GAPDH: variants seen among roughly 807,000 people sequenced by gnomAD.
The protein encoded by GAPDH is glyceraldehyde-3-phosphate dehydrogenase, also known as OCAS, p38 component.
GAPDH carries 13 observed loss-of-function variants against 31.2 expected under a neutral mutation model. The ratio of observed to expected loss-of-function variants is 0.42; its 90% CI spans 0.27 to 0.66. GAPDH has a LOEUF of 0.66. Among genes scored for constraint, GAPDH ranks in the 30% least tolerant of loss-of-function variants. The pLI, the probability that GAPDH is intolerant of heterozygous loss-of-function variation, is 0.26. For missense variants in GAPDH, 300 were observed against 443.7 expected, an observed-to-expected ratio of 0.68 and a Z score of 2.91; for synonymous variants, 211 against 166.9, an observed-to-expected ratio of 1.26 and a Z score of -2.04.
rs373471997 is a variant in GAPDH, at chr12:6,538,011, C to T, written c.938+15C>T. The T allele has an allele frequency of 2.4e-5, 39 of 1,595,160 alleles. No individual in the cohort carries two copies. The highest frequency in any genetic ancestry group is 3.3e-4 in the Middle Eastern group (2 of 6,050). ...CTCATTTCCTGGTATGTGGCTGGGG[C>T]CAGAGACTGGCTCTTAAAAAGTGCA... On this transcript the variant is annotated intron_variant, in intron 8 of 8. Transcript: ENST00000229239.
rs11549369 is a variant in GAPDH, at chr12:6,536,570, C to T, written c.106C>T (p.Pro36Ser). The change falls in exon 3 of 9, where the codon CCC becomes TCC. Residue 36 changes from proline (P) to serine (S), a missense_variant. Coordinates refer to ENST00000229239, the MANE Select transcript of GAPDH (RefSeq NM_002046.7). ...GKVDIVAIND[P>S]FIDLNYMVYM... ...AGTGGATATTGTTGCCATCAATGACCCCTTCATTGACCTCAACTACATGGT... is the reference window on the plus strand; with the variant it reads ...AGTGGATATTGTTGCCATCAATGACTCCTTCATTGACCTCAACTACATGGT... 3 of 1,612,916 alleles carry T rather than the reference C, an allele frequency of 1.9e-6. No individual in the cohort carries two copies. Among genetic ancestry groups the T allele is most frequent in the African/African-American group, 1.3e-5 (1 of 74,868 alleles).
At position 6,534,779 on chromosome 12, in the gene GAPDH, T is replaced by TA. The variant is rs1364148995; in HGVS notation, c.-23-30dup. Reference sequence around the variant, plus strand: ...AGGCGTGTGTGTCGGCCGGGGCCACTAGGCGCTCACTGTTCTCTCCCTCCG... The same window carrying TA: ...AGGCGTGTGTGTCGGCCGGGGCCACTAAGGCGCTCACTGTTCTCTCCCTCCG... On this transcript the variant is annotated intron_variant, in intron 1 of 8. Transcript: ENST00000229239. 3 of 1,599,554 alleles carry TA rather than the reference T, an allele frequency of 1.9e-6. No individual in the cohort carries two copies. The East Asian group carries it at 6.7e-5, about 36-fold the overall frequency.
At chr12:6,534,738 T>TGGGG in intron 1 of GAPDH, 72 bp from the exon 2 acceptor site, 1 of 1,304,250 alleles carries the variant, frequency 7.7e-7, no homozygotes, top group Non-Finnish European at 1.1e-6. Context: ...GGAGGCCTGG[T>TGGGG]GGGGGAGGGG....
chr12:6,537,011 G>GT lies in GAPDH; in HGVS notation c.327+2dup. On this transcript the variant is annotated splice_donor_variant, in intron 5 of 8. Coordinates refer to ENST00000229239, the MANE Select transcript of GAPDH (RefSeq NM_002046.7). LOFTEE classifies it high-confidence loss of function. The surrounding 1 kb of genome is among the most constrained non-coding windows in gnomAD (Gnocchi z 4.9). ...CTTCACCACCATGGAGAAGGCTGGGGTGAGTGCAGGAGGGCCCGCGGGAGG... is the reference window on the plus strand; with the variant it reads ...CTTCACCACCATGGAGAAGGCTGGGGTTGAGTGCAGGAGGGCCCGCGGGAGG... 6.2e-7 allele frequency: 1 copy of GT among 1,612,038 alleles called. No homozygotes were observed. The highest frequency in any genetic ancestry group is 8.5e-7 in the Non-Finnish European group (1 of 1,179,616).
At chr12:6,535,569 T>TG in intron 2 of GAPDH, 1 of 498,494 alleles carries the variant, frequency 2.0e-6, no homozygotes, top group Non-Finnish European at 2.6e-6. Context: ...AGCTGAGTCA[T>TG]GGGTAGTTGG....
Position 6,537,895 on chromosome 12 carries a change from C to T in GAPDH, c.837C>T (p.His279=). ...PLKGILGYTE[H]QVVSSDFNSD... ...AGGGCATCCTGGGCTACACTGAGCA[C>T]CAGGTGGTCTCCTCTGACTTCAACA... The change falls in exon 8 of 9, where the codon CAC becomes CAT. Residue 279 remains histidine, a synonymous_variant. Transcript: ENST00000229239. The surrounding 1 kb of genome is among the most constrained non-coding windows in gnomAD (Gnocchi z 4.9). 1 of 1,613,926 alleles carries T rather than the reference C, an allele frequency of 6.2e-7. No individual in the cohort carries two copies. Among genetic ancestry groups the T allele is most frequent in the Non-Finnish European group, 8.5e-7 (1 of 1,180,030 alleles).
intron 1 of GAPDH, 41 bp from the exon 2 acceptor site, chr12:6,534,769 C>T (rs997861943): frequency 4.5e-6 from 7 of 1,569,418 alleles, no homozygotes; most frequent in East Asian, 4.5e-5. Flanking sequence ...TGTGTGTCGG[C>T]CGGGGCCACT....
In GAPDH at chr12:6,536,543, A is replaced by G; in HGVS notation, c.79A>G (p.Lys27Glu). The change falls in exon 3 of 9, where the codon AAA (lysine) becomes GAA (glutamate). Residue 27 changes from lysine (K) to glutamate (E), a missense_variant. Transcript: ENST00000229239. ...CACCAGGGCTGCTTTTAACTCTGGT[A>G]AAGTGGATATTGTTGCCATCAATGA... ...LVTRAAFNSG[K>E]VDIVAINDPF... The G allele has an allele frequency of 1.9e-6, 3 of 1,613,860 alleles. No homozygotes were observed. Among genetic ancestry groups the G allele is most frequent in the African/African-American group, 1.3e-5 (1 of 75,036 alleles).
At chr12:6,535,132 C>T in intron 2 of GAPDH, 1 of 938,366 alleles carries the variant, frequency 1.1e-6, no homozygotes, top group Non-Finnish European at 1.4e-6. Flanking sequence ...GAGATCCCGA[C>T]CCGGACCCCT....
intron 2 of GAPDH, among the ~76,000 whole-genome samples, chr12:6,535,660 T>C (rs1334875075): frequency 6.6e-6 from 1 of 152,070 alleles, no homozygotes; most frequent in African/African-American, 2.4e-5. Flanking sequence ...GGCCCCGCCC[T>C]TCCCCTGCCA....
intron 2 of GAPDH, 48 bp downstream of exon 2, chr12:6,534,909 A>G (rs758541919): frequency 1.3e-5 from 20 of 1,599,934 alleles, no homozygotes; most frequent in Non-Finnish European, 1.7e-5. Context: ...CCGCCCCCGA[A>G]CCGCGTCTAC....
rs1003449954 is a variant in GAPDH at position 6,534,531 on chromosome 12, C to T, written c.-62C>T. On this transcript the variant is annotated 5_prime_UTR_variant, in exon 1 of 9. Transcript: ENST00000229239. ...CCTCCCGCTTCGCTCTCTGCTCCTC[C>T]TGTTCGACAGTCAGCCGCATCTTCT... is the stretch of plus-strand genomic sequence containing the variant. 11 of 477,930 alleles carry T rather than the reference C, an allele frequency of 2.3e-5. No individual in the cohort carries two copies. Among genetic ancestry groups the T allele is most frequent in the African/African-American group, 6.3e-5 (3 of 47,318 alleles). The allele number at this position is 477,930 out of a possible 1,614,324, so 29.6% of individuals were successfully genotyped here.
rs951286737 is a variant in GAPDH at position 6,534,577 on chromosome 12, C to T, written c.-24+8C>T. ...CTTCTTTTGCGTCGCCAGGTGAAGACGGGCGGAGAGAAACCCGGGAGGCTA... is the reference window on the plus strand; with the variant it reads ...CTTCTTTTGCGTCGCCAGGTGAAGATGGGCGGAGAGAAACCCGGGAGGCTA... On this transcript the variant is annotated splice_region_variant and intron_variant, in intron 1 of 8. Coordinates refer to ENST00000229239, the MANE Select transcript of GAPDH (RefSeq NM_002046.7). 3.7e-6 allele frequency: 2 copies of T among 545,062 alleles called. No individual in the cohort carries two copies. Among genetic ancestry groups the T allele is most frequent in the Non-Finnish European group, 3.2e-6 (1 of 309,464 alleles). The allele number at this position is 545,062 out of a possible 1,614,324, so 33.8% of individuals were successfully genotyped here.
chr12:6,537,472 C>A lies in GAPDH; in HGVS notation c.525+82C>A. 1 of 1,584,808 alleles carries A rather than the reference C, an allele frequency of 6.3e-7. No homozygotes were observed. On this transcript the variant is annotated intron_variant, in intron 7 of 8. Coordinates refer to ENST00000229239, the MANE Select transcript of GAPDH (RefSeq NM_002046.7). The surrounding 1 kb of genome is among the most constrained non-coding windows in gnomAD (Gnocchi z 4.9). ...CCTCCCTGCCGGGGCTGCGTGCAAC[C>A]CTGGGGTTGGGGGTTCTGGGGACTG...
In GAPDH at chr12:6,537,761, G is replaced by A. The variant is rs1592188925; in HGVS notation, c.703G>A (p.Val235Ile). ...NGKLTGMAFR[V>I]PTANVSVVDL... ...GAAGCTCACTGGCATGGCCTTCCGT[G>A]TCCCCACTGCCAACGTGTCAGTGGT... The change falls in exon 8 of 9, where the codon GTC becomes ATC. Residue 235 changes from valine (V) to isoleucine (I), a missense_variant. Physicochemically the swap from Val to Ile is conservative, Grantham distance 29 (BLOSUM62 3). Coordinates refer to ENST00000229239, the MANE Select transcript of GAPDH (RefSeq NM_002046.7). This position sits in a 1 kb window ranked among gnomAD's most constrained non-coding sequence, Gnocchi z 4.9. 6.2e-7 allele frequency: 1 copy of A among 1,611,748 alleles called. No individual in the cohort carries two copies. The highest frequency in any genetic ancestry group is 8.5e-7 in the Non-Finnish European group (1 of 1,179,850).
In GAPDH at chr12:6,538,165, G is replaced by A. The variant is rs774911921; in HGVS notation, c.1003G>A (p.Glu335Lys). 8.1e-6 allele frequency: 13 copies of A among 1,608,618 alleles called. No individual in the cohort carries two copies. The Admixed American group carries it at 2.0e-4, about 25-fold the overall frequency. Residue 335 changes from glutamate (E) to lysine (K), a missense_variant, in exon 9 of 9, where the codon GAG becomes AAG. Transcript: ENST00000229239. ...CCTCATGGCCCACATGGCCTCCAAGGAGTAAGACCCCTGGACCACCAGCCC... is the reference window on the plus strand; with the variant it reads ...CCTCATGGCCCACATGGCCTCCAAGAAGTAAGACCCCTGGACCACCAGCCC... ...VDLMAHMASK[E>K]
chr12:6,537,479 T>C lies in GAPDH; in HGVS notation c.525+89T>C, dbSNP rs1592188016. On this transcript the variant is annotated intron_variant, in intron 7 of 8. Coordinates refer to ENST00000229239, the MANE Select transcript of GAPDH (RefSeq NM_002046.7). The surrounding 1 kb of genome is among the most constrained non-coding windows in gnomAD (Gnocchi z 4.9). ...GCCGGGGCTGCGTGCAACCCTGGGG[T>C]TGGGGGTTCTGGGGACTGGCTTTCC... 1 of 1,578,470 alleles carries C rather than the reference T, an allele frequency of 6.3e-7. No individual in the cohort carries two copies. Among genetic ancestry groups the C allele is most frequent in the Non-Finnish European group, 8.7e-7 (1 of 1,153,190 alleles).
In GAPDH at chr12:6,536,489, C is replaced by T. The variant is rs558321869; in HGVS notation, c.30-5C>T. 9.8e-5 allele frequency: 157 copies of T among 1,609,080 alleles called. 1 individual carries two copies. The South Asian group carries it at 1.6e-3, about 16-fold the overall frequency. On this transcript the variant is annotated splice_polypyrimidine_tract_variant and splice_region_variant and intron_variant, in intron 2 of 8. Transcript: ENST00000229239. ...CCTCATGCCTTCTTGCCTCTTGTCTCTTAGATTTGGTCGTATTGGGCGCCT... is the reference window on the plus strand; with the variant it reads ...CCTCATGCCTTCTTGCCTCTTGTCTTTTAGATTTGGTCGTATTGGGCGCCT...
intron 1 of GAPDH, 90 bp from the exon 2 acceptor site, chr12:6,534,720 C>CG: frequency 8.8e-7 from 1 of 1,137,178 alleles, no homozygotes; most frequent in Non-Finnish European, 1.3e-6. Flanking sequence ...GCGGCGCGGG[C>CG]TGGGCATGGA....
Sources: allele counts gnomAD v4.1 joint callset (sites outside exome capture counted in the v4.1 genomes callset), GRCh38; gene constraint gnomAD v4.1.1; non-coding constraint Gnocchi (gnomAD v3.1); transcripts MANE v1.5; gene names NCBI Gene and HGNC (gene_info 2026-07-23, HGNC 2026-07-21).